KLHL1: variants seen among roughly 807,000 people sequenced by gnomAD.
KLHL1 encodes kelch like family member 1, also known as kelch-like protein 1.
A neutral mutation model predicts 77.7 loss-of-function variants in KLHL1; 47 were observed. The observed-to-expected ratio is 0.60, with a 90% CI of 0.48 to 0.77. The LOEUF is 0.77. KLHL1 is among the 30% of genes least tolerant of loss of function. KLHL1 has a pLI of 0.00. For synonymous variants in KLHL1, 360 were observed against 325.2 expected, an observed-to-expected ratio of 1.11 and a Z score of -1.15; for missense variants, 925 against 910.8, an observed-to-expected ratio of 1.02 and a Z score of -0.20.
At chr13:70,091,841 T>G (rs1296934833) in intron 1 of KLHL1, among the ~76,000 whole-genome samples, 1 of 152,184 alleles carries the variant, frequency 6.6e-6, no homozygotes, top group Non-Finnish European at 1.5e-5. Flanking sequence ...AAATTAAAAC[T>G]CTTCAGTTTT....
intron 4 of KLHL1, among the ~76,000 whole-genome samples, chr13:69,939,378 T>TATACAC (rs1200160699): frequency 0.042 from 2,941 of 69,698 alleles, 98 homozygotes; most frequent in Non-Finnish European, 0.05. Flanking sequence ...TATATATATA[T>TATACAC]ACACACACAC....
chr13:69,753,419 A>G (rs932864675), intron 7 of KLHL1, among the ~76,000 whole-genome samples: 3 of 152,148 alleles, frequency 2.0e-5, no homozygotes, highest in African/African-American at 7.2e-5. Context: ...AGCCTTTAGG[A>G]CCATTGCAGG....
chr13:69,909,905 C>T lies in KLHL1; in HGVS notation c.1015-27410G>A, dbSNP rs1247546567. Among the ~76,000 whole-genome samples, 5 of 152,118 alleles carry T rather than the reference C, an allele frequency of 3.3e-5. No homozygotes were observed. The East Asian group carries it at 7.7e-4, about 24-fold the overall frequency. ...GGCCTCTGTGAGGCATTCAGTCAACCGTGGAGTCCTCCTTAAGTTCCTCTC... is the reference window on the plus strand; with the variant it reads ...GGCCTCTGTGAGGCATTCAGTCAACTGTGGAGTCCTCCTTAAGTTCCTCTC... On this transcript the variant is annotated intron_variant, in intron 4 of 10. Coordinates refer to ENST00000377844, the MANE Select transcript of KLHL1 (RefSeq NM_020866.3).
intron 3 of KLHL1, among the ~76,000 whole-genome samples, chr13:69,949,449 A>T (rs114229181): frequency 0.01 from 1,561 of 151,912 alleles, 26 homozygotes; most frequent in African/African-American, 0.035. Context: ...ATCCCATGCT[A>T]TTTAAGAAAC....
chr13:69,972,155 T>C (rs999499139), intron 2 of KLHL1, among the ~76,000 whole-genome samples: 15 of 152,002 alleles, frequency 9.9e-5, no homozygotes, highest in African/African-American at 3.6e-4. Context: ...GAAGCAGTAC[T>C]ATCTGCCTAC....
intron 5 of KLHL1, among the ~76,000 whole-genome samples, chr13:69,880,484 A>C (rs1880945341): frequency 6.6e-6 from 1 of 152,158 alleles, no homozygotes; most frequent in South Asian, 2.1e-4. Context: ...ACACTGTTTA[A>C]AATTTTGTTA....
At chr13:69,786,112 A>G (rs1471533987) in intron 7 of KLHL1, among the ~76,000 whole-genome samples, 1 of 152,190 alleles carries the variant, frequency 6.6e-6, no homozygotes, top group Non-Finnish European at 1.5e-5. Flanking sequence ...TTCTGAAACT[A>G]TTCCAATCAA....
intron 1 of KLHL1, among the ~76,000 whole-genome samples, chr13:70,036,039 T>A (rs562237628): frequency 6.6e-6 from 1 of 152,112 alleles, no homozygotes; most frequent in East Asian, 1.9e-4. Context: ...ATTTCAGTGA[T>A]TACACAGAAT....
intron 7 of KLHL1, among the ~76,000 whole-genome samples, chr13:69,785,441 T>A (rs974764234): frequency 6.4e-4 from 98 of 152,246 alleles, no homozygotes; most frequent in Non-Finnish European, 1.1e-3. Flanking sequence ...GAAATAAAGA[T>A]GTTCTTTGAA....
intron 4 of KLHL1, among the ~76,000 whole-genome samples, chr13:69,939,340 C>CATACATATAT (rs1555283221): frequency 2.6e-4 from 16 of 60,828 alleles, no homozygotes; most frequent in African/African-American, 1.0e-3. Flanking sequence ...CATATACATA[C>CATACATATAT]ATATATATAT....
intron 2 of KLHL1, among the ~76,000 whole-genome samples, chr13:69,968,246 T>C (rs1175992327): frequency 6.6e-6 from 1 of 152,006 alleles, no homozygotes; most frequent in African/African-American, 2.4e-5. Context: ...AAAGCATTTT[T>C]TAAATAACTA....
At chr13:69,845,693 T>C (rs944985088) in intron 5 of KLHL1, among the ~76,000 whole-genome samples, 1 of 151,570 alleles carries the variant, frequency 6.6e-6, no homozygotes, top group Non-Finnish European at 1.5e-5. Flanking sequence ...CACTTGCTCT[T>C]TGGAAAATGA....
intron 1 of KLHL1, among the ~76,000 whole-genome samples, chr13:70,003,034 C>A (rs1395330655): frequency 6.6e-6 from 1 of 151,398 alleles, no homozygotes; most frequent in Non-Finnish European, 1.5e-5. Context: ...TTACAAAGCA[C>A]TTTTAAAAAT....
At chr13:70,007,715 C>A (rs1020283645) in intron 1 of KLHL1, among the ~76,000 whole-genome samples, 3 of 151,946 alleles carry the variant, frequency 2.0e-5, no homozygotes, top group Non-Finnish European at 4.4e-5. Flanking sequence ...TACTGTATTA[C>A]TTTACAAATT....
At chr13:69,964,258 T>C (rs1884150048) in intron 2 of KLHL1, among the ~76,000 whole-genome samples, 1 of 152,146 alleles carries the variant, frequency 6.6e-6, no homozygotes, top group African/African-American at 2.4e-5. Context: ...ACCAGGCTGG[T>C]CTGGAGCTAC....
At chr13:69,946,828 A>C (rs1883541054) in intron 3 of KLHL1, among the ~76,000 whole-genome samples, 1 of 152,214 alleles carries the variant, frequency 6.6e-6, no homozygotes, top group Non-Finnish European at 1.5e-5. Context: ...ATTTTTCTGA[A>C]TGTTTGCAAT....
At chr13:69,793,809 A>G (rs996006299) in intron 7 of KLHL1, among the ~76,000 whole-genome samples, 5 of 152,156 alleles carry the variant, frequency 3.3e-5, no homozygotes, top group African/African-American at 1.2e-4. Context: ...TATATATTTG[A>G]GAGCCTGACA....
intron 1 of KLHL1, among the ~76,000 whole-genome samples, chr13:70,023,712 C>T (rs573848836): frequency 1.4e-4 from 21 of 152,026 alleles, no homozygotes; most frequent in African/African-American, 4.1e-4. Context: ...CATAGAAAAT[C>T]TCACAATATG....
intron 7 of KLHL1, among the ~76,000 whole-genome samples, chr13:69,789,144 TTA>T (rs1876731020): frequency 6.6e-6 from 1 of 152,122 alleles, no homozygotes; most frequent in African/African-American, 2.4e-5. Flanking sequence ...TTAAAATACT[TTA>T]ATTAAATCAT....
Sources: allele counts gnomAD v4.1 joint callset (sites outside exome capture counted in the v4.1 genomes callset), GRCh38; gene constraint gnomAD v4.1.1; transcripts MANE v1.5; gene names NCBI Gene and HGNC (gene_info 2026-07-23, HGNC 2026-07-21).